Variants in CCAR2 observed in about 807,000 individuals in gnomAD.
CCAR2 encodes cell cycle and apoptosis regulator protein 2.
In CCAR2, 21 loss-of-function variants were observed where a neutral mutation model predicts 108.1. The observed-to-expected ratio is 0.19, with a 90% CI of 0.14 to 0.28. The LOEUF (loss-of-function observed/expected upper bound fraction) is 0.28. Ranked by LOEUF, CCAR2 falls within the 10% of genes least tolerant of loss-of-function variation. The pLI is 1.00. For synonymous variants in CCAR2, 577 were observed against 472.8 expected (o/e 1.22, Z -2.86); for missense variants, 1,126 against 1,177.0 (o/e 0.96, Z 0.63).
chr8:22,606,281 C>A, intron 3 of CCAR2, 105 bp downstream of exon 3: 2 of 1,026,064 alleles, frequency 1.9e-6, no homozygotes, highest in South Asian at 1.4e-5. Context: ...TTCCTGATCC[C>A]TCTCCTGGTA....
rs1319622989 is a variant in CCAR2, at chr8:22,619,309, G to A, written c.2681G>A (p.Arg894Lys). The change falls in exon 20 of 21, where the codon AGG becomes AAG. Residue 894 changes from arginine to lysine, a missense_variant. This residue lies in a region of CCAR2 where 1,013 missense variants were observed against 993.9 expected (regional missense o/e 1.02). Coordinates refer to ENST00000308511, the MANE Select transcript of CCAR2 (RefSeq NM_001393997.1). ...QLQRLLQELR[R>K]RLTPLQLEIQ... ...CAGCGGCTGCTGCAGGAGCTCCGCA[G>A]GCGTCTGACCCCCCTGCAGCTGGAG... is the stretch of plus-strand genomic sequence containing the variant. 1 of 1,564,360 alleles carries A rather than the reference G, an allele frequency of 6.4e-7. No individual in the cohort carries two copies. Among genetic ancestry groups the A allele is most frequent in the Non-Finnish European group, 8.7e-7 (1 of 1,155,192 alleles).
At position 22,615,653 on chromosome 8, in the gene CCAR2, A is replaced by G. The variant is rs779431177; in HGVS notation, c.1378-29A>G. The G allele has an allele frequency of 3.7e-6, 6 of 1,613,654 alleles. No individual in the cohort carries two copies. The African/African-American group carries it at 6.7e-5, about 18-fold the overall frequency. On this transcript the variant is annotated intron_variant, in intron 12 of 20. Transcript: ENST00000308511. ...TATAGGTGGCCTAATCCCGGGACCCAGAGGGTCTCATTTCAGCTGTTGTCA... is the reference window on the plus strand; with the variant it reads ...TATAGGTGGCCTAATCCCGGGACCCGGAGGGTCTCATTTCAGCTGTTGTCA...
chr8:22,613,288 G>A (rs1435931637), intron 8 of CCAR2, 152 bp downstream of exon 8: 7 of 763,980 alleles, frequency 9.2e-6, no homozygotes, highest in Non-Finnish European at 1.3e-5. Flanking sequence ...CATACTGTTT[G>A]GTGGTTTGCC....
At chr8:22,611,049 TAC>T (rs1425502780) in intron 7 of CCAR2, among the ~76,000 whole-genome samples, 8 of 148,378 alleles carry the variant, frequency 5.4e-5, no homozygotes, top group African/African-American at 2.1e-4. Context: ...ATAATATAAA[TAC>T]ATAAAATTAA....
At chr8:22,605,927 G>A in intron 2 of CCAR2, 96 bp downstream of exon 2, 1 of 1,373,830 alleles carries the variant, frequency 7.3e-7, no homozygotes. Context: ...TGCTGCTGAT[G>A]TTCCTCTGGA....
rs772718225 is a variant in CCAR2 at position 22,618,479 on chromosome 8, G to A, written c.2204G>A (p.Arg735Gln). ...LERILLTLGI[R>Q]LSAEQAKQLV... is the part of the protein sequence containing the mutation. Reference sequence around the variant, plus strand: ...AGGATCCTCCTTACCCTTGGGATCCGGCTCAGTGCAGAGCAGGTACCTTCT... The same window carrying A: ...AGGATCCTCCTTACCCTTGGGATCCAGCTCAGTGCAGAGCAGGTACCTTCT... The change falls in exon 17 of 21, where the codon CGG becomes CAG. Residue 735 changes from arginine (R) to glutamine (Q), a missense_variant. Coordinates refer to ENST00000308511, the MANE Select transcript of CCAR2 (RefSeq NM_001393997.1). The A allele has an allele frequency of 5.6e-6, 9 of 1,614,056 alleles. No homozygotes were observed. Among genetic ancestry groups the A allele is most frequent in the South Asian group, 1.1e-5 (1 of 91,090 alleles).
chr8:22,616,866 CTTTTTTTTTTTTTT>C (rs36086286), intron 14 of CCAR2, among the ~76,000 whole-genome samples: 3 of 54,716 alleles, frequency 5.5e-5, no homozygotes, highest in African/African-American at 1.2e-4. Flanking sequence ...TACTAGTCTG[CTTTTTTTTTTTTTT>C]TTTTTTTTTT....
chr8:22,612,488 G>T (rs1316018009), intron 7 of CCAR2, among the ~76,000 whole-genome samples: 1 of 149,632 alleles, frequency 6.7e-6, no homozygotes, highest in East Asian at 2.0e-4. Context: ...GGATGGTCTC[G>T]ATCTCTTGAC....
intron 20 of CCAR2, 83 bp downstream of exon 20, chr8:22,619,438 G>T: frequency 6.7e-7 from 1 of 1,496,642 alleles, no homozygotes. Context: ...GCCCGTGTCG[G>T]GAGTGACCAG....
intron 6 of CCAR2, among the ~76,000 whole-genome samples, chr8:22,607,661 G>C (rs1397263231): frequency 1.3e-5 from 2 of 151,966 alleles, no homozygotes; most frequent in African/African-American, 4.8e-5. Flanking sequence ...GTCTTGCTCT[G>C]TCACCCAGGC....
intron 8 of CCAR2, among the ~76,000 whole-genome samples, chr8:22,613,392 T>G (rs1181723348): frequency 1.3e-5 from 2 of 150,856 alleles, no homozygotes; most frequent in African/African-American, 4.9e-5. Context: ...CTACACAGTA[T>G]TCATTGAATG....
At chr8:22,607,791 A>AT (rs544272722) in intron 6 of CCAR2, among the ~76,000 whole-genome samples, 178 bp from the exon 7 acceptor site, 1 of 151,988 alleles carries the variant, frequency 6.6e-6, no homozygotes, top group South Asian at 2.1e-4. Flanking sequence ...TGCCCGGCTG[A>AT]TTTTTTGTAT....
intron 14 of CCAR2, chr8:22,616,566 C>T: frequency 2.7e-6 from 1 of 366,380 alleles, no homozygotes; most frequent in Non-Finnish European, 5.1e-6. Flanking sequence ...CCCTGTAATC[C>T]CAGCACTTTG....
chr8:22,615,537 G>C lies in CCAR2; in HGVS notation c.1318G>C (p.Glu440Gln). ...WTIMPTLEEW[E>Q]ALCQQKAAEA... ...CATCATGCCTACTTTGGAGGAGTGG[G>C]AGGCCCTGTGCCAGCAGAAAGCTGC... The change falls in exon 12 of 21, where the codon GAG (glutamate) becomes CAG (glutamine). Residue 440 changes from glutamate to glutamine, a missense_variant. Glu to Gln is a conservative substitution (Grantham distance 29, BLOSUM62 2). Around this residue, in one of 4 missense-constraint regions of CCAR2, gnomAD observed 1,013 missense variants for 993.9 expected, o/e 1.02. Transcript: ENST00000308511. 6.2e-7 allele frequency: 1 copy of C among 1,614,014 alleles called. No individual in the cohort carries two copies. Among genetic ancestry groups the C allele is most frequent in the Non-Finnish European group, 8.5e-7 (1 of 1,180,040 alleles).
rs1490044661 is a variant in CCAR2 at position 22,607,189 on chromosome 8, T to TA, written c.358-7_358-6insA. 1 of 1,613,828 alleles carries TA rather than the reference T, an allele frequency of 6.2e-7. No homozygotes were observed. Among genetic ancestry groups the TA allele is most frequent in the South Asian group, 1.1e-5 (1 of 91,074 alleles). On this transcript the variant is annotated splice_region_variant and splice_polypyrimidine_tract_variant and intron_variant, in intron 5 of 20. Transcript: ENST00000308511. Reference sequence around the variant, plus strand: ...GTCCCCTGAATTTCCTGGCTCCTGTTCTGCAGCCCCTACTGAAGTCCCCAG... The same window carrying TA: ...GTCCCCTGAATTTCCTGGCTCCTGTTACTGCAGCCCCTACTGAAGTCCCCAG...
intron 8 of CCAR2, chr8:22,613,873 G>A (rs1801392327): frequency 6.9e-6 from 4 of 577,324 alleles, no homozygotes; most frequent in Non-Finnish European, 1.2e-5. Context: ...TCTGTCATGT[G>A]TTATAAGTGT....
chr8:22,604,887 C>A, intron 1 of CCAR2, 45 bp downstream of exon 1: 1 of 428,108 alleles, frequency 2.3e-6, no homozygotes, highest in Non-Finnish European at 4.7e-6. Flanking sequence ...CTTCGCCCCT[C>A]CGCCCCTCCG....
chr8:22,611,378 A>G (rs1007983934), intron 7 of CCAR2, among the ~76,000 whole-genome samples: 1 of 61,790 alleles, frequency 1.6e-5, no homozygotes, highest in Non-Finnish European at 3.5e-5. Flanking sequence ...AAAAAAAAAA[A>G]AGTATATATA....
At chr8:22,621,444 A>AG, downstream of CCAR2, 1 of 1,613,576 alleles carries the variant, frequency 6.2e-7, no homozygotes, top group East Asian at 2.2e-5. Flanking sequence ...CACAATGGAG[A>AG]GGGCCCGGAG....
Sources: gnomAD v4.1 joint callset for allele counts (sites outside exome capture counted in the v4.1 genomes callset) on GRCh38, gnomAD v4.1.1 for gene constraint, gnomAD v4.1.1 regional missense constraint, MANE v1.5 for transcripts, NCBI Gene and HGNC (gene_info 2026-07-23, HGNC 2026-07-21) for gene names.